The following DAB1 variants were observed in gnomAD, a reference collection of about 807,000 sequenced individuals.
The protein encoded by DAB1 is DAB adaptor protein 1.
A neutral mutation model predicts 64.6 loss-of-function variants in DAB1; 15 were observed. The observed-to-expected ratio is 0.23, with a 90% CI of 0.16 to 0.36. The LOEUF (loss-of-function observed/expected upper bound fraction) is 0.36, where lower values mean the gene tolerates loss of function less well. DAB1 is among the 10% of genes least tolerant of loss of function. The pLI, the probability that DAB1 is intolerant of heterozygous loss-of-function variation, is 1.00. For synonymous variants in DAB1, 235 were observed against 251.9 expected, an observed-to-expected ratio of 0.93 and a Z score of 0.64; for missense variants, 596 against 706.7, an observed-to-expected ratio of 0.84 and a Z score of 1.78.
intron 7 of DAB1, among the ~76,000 whole-genome samples, chr1:57,610,046 T>A (rs1645707552): frequency 6.6e-6 from 1 of 152,310 alleles, no homozygotes; most frequent in East Asian, 1.9e-4. Context: ...CTGCTCCCTG[T>A]GGCTCCTCAG....
chr1:57,958,040 A>G (rs1218214728), intron 5 of DAB1, among the ~76,000 whole-genome samples: 2 of 151,604 alleles, frequency 1.3e-5, no homozygotes, highest in Non-Finnish European at 2.9e-5. Context: ...GCTGGAGTGC[A>G]GTAGCATGAT....
chr1:57,136,032 G>C (rs1658049352), intron 4 of DAB1, among the ~76,000 whole-genome samples: 2 of 152,084 alleles, frequency 1.3e-5, no homozygotes, highest in African/African-American at 4.8e-5. Flanking sequence ...TCTTTGGTGG[G>C]TTCAACAAAC....
intron 7 of DAB1, among the ~76,000 whole-genome samples, chr1:57,556,377 T>C (rs1293728943): frequency 6.6e-6 from 1 of 152,248 alleles, no homozygotes; most frequent in Non-Finnish European, 1.5e-5. Flanking sequence ...GTGGTTGTAC[T>C]AGTTTACACT....
At chr1:58,396,196 G>A (rs998442259) in intron 3 of DAB1, among the ~76,000 whole-genome samples, 4 of 152,006 alleles carry the variant, frequency 2.6e-5, no homozygotes, top group Non-Finnish European at 5.9e-5. Flanking sequence ...CTTCAAGTCC[G>A]CTGCACTGTG....
At chr1:58,095,135 G>A (rs1362905812) in intron 5 of DAB1, among the ~76,000 whole-genome samples, 1 of 152,172 alleles carries the variant, frequency 6.6e-6, no homozygotes, top group Non-Finnish European at 1.5e-5. Flanking sequence ...TCAGGACATG[G>A]TCTGTTTTAT....
At chr1:57,511,855 C>T (rs1053029139) in intron 7 of DAB1, among the ~76,000 whole-genome samples, 7 of 152,200 alleles carry the variant, frequency 4.6e-5, no homozygotes, top group African/African-American at 1.7e-4. Context: ...CCAGCCTACA[C>T]AGCAAATCCC....
At chr1:57,428,792 G>T (rs1293064832), upstream of DAB1, among the ~76,000 whole-genome samples, 8 of 133,654 alleles carry the variant, frequency 6.0e-5, no homozygotes, top group Admixed American at 6.7e-4. Context: ...GCGTACAAAG[G>T]TTCCCTTATC....
chr1:57,934,546 C>T (rs1644999242), intron 5 of DAB1, among the ~76,000 whole-genome samples: 1 of 152,148 alleles, frequency 6.6e-6, no homozygotes, highest in Non-Finnish European at 1.5e-5. Flanking sequence ...AGCATTTATT[C>T]AGTGATCACT....
chr1:57,695,428 GAAAGAAAA>G (rs1424988198), intron 6 of DAB1, among the ~76,000 whole-genome samples: 3 of 123,384 alleles, frequency 2.4e-5, no homozygotes, highest in Admixed American at 1.6e-4. Flanking sequence ...AAGAAAGAAA[GAAAGAAAA>G]AAGAAGAAAA....
intron 9 of DAB1, among the ~76,000 whole-genome samples, chr1:57,044,315 C>T (rs1371717592): frequency 6.6e-6 from 1 of 152,230 alleles, no homozygotes; most frequent in Non-Finnish European, 1.5e-5. Context: ...CAGTGCTTGA[C>T]ACACAGTGGA....
At chr1:58,028,615 A>G (rs1198164390) in intron 5 of DAB1, among the ~76,000 whole-genome samples, 1 of 152,232 alleles carries the variant, frequency 6.6e-6, no homozygotes, top group Non-Finnish European at 1.5e-5. Context: ...AGAGAACATC[A>G]CTTTGTACAA....
chr1:57,060,041 T>C (rs1306976330), intron 9 of DAB1, among the ~76,000 whole-genome samples: 5 of 152,176 alleles, frequency 3.3e-5, no homozygotes, highest in Admixed American at 2.0e-4. Flanking sequence ...TTAATGATTA[T>C]TTTGGAGTCA....
At chr1:58,026,825 G>T (rs1646902507) in intron 5 of DAB1, among the ~76,000 whole-genome samples, 2 of 152,166 alleles carry the variant, frequency 1.3e-5, no homozygotes, top group South Asian at 4.1e-4. Flanking sequence ...CAACTCATTT[G>T]TCACCACTAA....
intron 1 of DAB1, among the ~76,000 whole-genome samples, chr1:57,401,766 T>A (rs1395444334): frequency 1.3e-5 from 2 of 152,200 alleles, no homozygotes; most frequent in African/African-American, 4.8e-5. Flanking sequence ...TACATTCTAC[T>A]TTATCCTAGG....
intron 6 of DAB1, among the ~76,000 whole-genome samples, chr1:57,738,854 A>G (rs1475683313): frequency 6.6e-6 from 1 of 152,218 alleles, no homozygotes; most frequent in African/African-American, 2.4e-5. Context: ...GGAATTGTTC[A>G]ATTAGTTTTA....
chr1:57,146,871 A>G (rs79685339), intron 2 of DAB1, among the ~76,000 whole-genome samples: 43 of 152,264 alleles, frequency 2.8e-4, no homozygotes, highest in African/African-American at 1.0e-3. Context: ...CCCTCTCGTA[A>G]GTCAACTGAA....
chr1:57,103,470 C>T (rs1445728780), intron 4 of DAB1, among the ~76,000 whole-genome samples: 2 of 152,180 alleles, frequency 1.3e-5, no homozygotes, highest in African/African-American at 4.8e-5. Flanking sequence ...TAATCATCTA[C>T]TGTGGACGTG....
chr1:58,300,658 AAGGAAGGAAGGAAGGAAGG>A (rs1182222178), intron 4 of DAB1, among the ~76,000 whole-genome samples: 2 of 100,602 alleles, frequency 2.0e-5, no homozygotes, highest in Admixed American at 1.9e-4. Flanking sequence ...GGAAGGAAGG[AAGGAAGGAAGGAAGGAAGG>A]AAGGAAGGAA....
chr1:58,497,901 C>T (rs1645831610), intron 3 of DAB1, among the ~76,000 whole-genome samples: 1 of 152,146 alleles, frequency 6.6e-6, no homozygotes, highest in Admixed American at 6.6e-5. Context: ...GAGAATTATT[C>T]ATTCCATGGG....
Sources: gnomAD v4.1 joint callset for allele counts (sites outside exome capture counted in the v4.1 genomes callset) on GRCh38, gnomAD v4.1.1 for gene constraint, MANE v1.5 for transcripts, NCBI Gene and HGNC (gene_info 2026-07-23, HGNC 2026-07-21) for gene names.